Variants in SCUBE1 observed in about 807,000 individuals in gnomAD.
SCUBE1 encodes signal peptide, CUB and EGF-like domain-containing protein 1.
SCUBE1 carries 59 observed loss-of-function variants against 124.4 expected under a neutral mutation model. That is an observed-to-expected ratio of 0.47 (90% confidence interval 0.38 to 0.59). The LOEUF (loss-of-function observed/expected upper bound fraction) is 0.59, where lower values mean the gene tolerates loss of function less well. Ranked by LOEUF, SCUBE1 falls within the 20% of genes least tolerant of loss-of-function variation. SCUBE1 has a pLI of 0.00. For missense variants in SCUBE1, 1,150 were observed against 1,371.2 expected, an observed-to-expected ratio of 0.84 and a Z score of 2.55; for synonymous variants, 545 against 550.9, an observed-to-expected ratio of 0.99 and a Z score of 0.15.
In SCUBE1 at chr22:43,212,541, G is replaced by T; in HGVS notation, c.2105C>A (p.Ala702Asp). ...AGGCTGGTACGTGCCCACGGGGCAG[G>T]CCTGGCAGGGCTTGAAGCCATCGGC... ...FSADGFKPCQ[A>D]CPVGTYQPEP... is the part of the protein sequence containing the mutation. The change falls in exon 17 of 22, where the codon GCC becomes GAC. Residue 702 changes from alanine to aspartate, a missense_variant. Physicochemically the swap from Ala to Asp is moderately radical, Grantham distance 126 (BLOSUM62 -2). This residue lies in a region of SCUBE1 where 757 missense variants were observed against 840.9 expected (regional missense o/e 0.90). Coordinates refer to ENST00000360835, the MANE Select transcript of SCUBE1 (RefSeq NM_173050.5). 6.4e-7 allele frequency: 1 copy of T among 1,564,076 alleles called. No homozygotes were observed.
intron 6 of SCUBE1, among the ~76,000 whole-genome samples, chr22:43,251,547 A>C (rs1923449195): frequency 6.6e-6 from 1 of 152,122 alleles, no homozygotes; most frequent in Non-Finnish European, 1.5e-5. Context: ...GAGGCAGCAG[A>C]GGTGGGTCAG....
chr22:43,218,663 C>T (rs1376855830), intron 14 of SCUBE1, among the ~76,000 whole-genome samples: 1 of 152,236 alleles, frequency 6.6e-6, no homozygotes, highest in African/African-American at 2.4e-5. Flanking sequence ...GGCCTGCCCA[C>T]GGCCACGCAG....
chr22:43,322,120 A>C (rs887615605), intron 2 of SCUBE1, among the ~76,000 whole-genome samples: 1 of 152,074 alleles, frequency 6.6e-6, no homozygotes, highest in African/African-American at 2.4e-5. Context: ...AAGTAGCTGG[A>C]CTACAGGCAC....
At chr22:43,319,202 A>T (rs1459118143) in intron 3 of SCUBE1, among the ~76,000 whole-genome samples, 1 of 152,184 alleles carries the variant, frequency 6.6e-6, no homozygotes, top group Non-Finnish European at 1.5e-5. Context: ...AATTAACTTA[A>T]AAATGGAGTT....
At chr22:43,297,846 ACT>A (rs1925621442) in intron 3 of SCUBE1, among the ~76,000 whole-genome samples, 1 of 152,024 alleles carries the variant, frequency 6.6e-6, no homozygotes, top group South Asian at 2.1e-4. Context: ...TGAAACAGAG[ACT>A]CCGTGTTCTG....
chr22:43,231,765 G>C lies in SCUBE1; in HGVS notation c.955C>G (p.Arg319Gly). ...GGCAGGGGCTCACCCTGGCAGGTGC[G>C]CTCGTCGGTGAGCAGCTTGTAGCCC... ...RKGYKLLTDE[R>G]TCQDIDECSF... Residue 319 changes from arginine (R) to glycine (G), a missense_variant, in exon 8 of 22, where the codon CGC (arginine) becomes GGC (glycine). Coordinates refer to ENST00000360835, the MANE Select transcript of SCUBE1 (RefSeq NM_173050.5). 1 of 1,590,974 alleles carries C rather than the reference G, an allele frequency of 6.3e-7. No individual in the cohort carries two copies. The highest frequency in any genetic ancestry group is 8.5e-7 in the Non-Finnish European group (1 of 1,170,076).
intron 8 of SCUBE1, among the ~76,000 whole-genome samples, chr22:43,231,445 A>G (rs1047831983): frequency 5.3e-5 from 8 of 152,234 alleles, no homozygotes; most frequent in Non-Finnish European, 1.2e-4. Flanking sequence ...CTCCGAAGCC[A>G]GAGGAGTTCG....
rs1158914135 is a variant in SCUBE1 at position 43,234,001 on chromosome 22, G to A, written c.845-2126C>T. 2.0e-5 allele frequency among the ~76,000 whole-genome samples: 3 copies of A among 151,852 alleles called. No individual in the cohort carries two copies. Among genetic ancestry groups the A allele is most frequent in the Non-Finnish European group, 2.9e-5 (2 of 67,974 alleles). On this transcript the variant is annotated intron_variant, in intron 7 of 21. Coordinates refer to ENST00000360835, the MANE Select transcript of SCUBE1 (RefSeq NM_173050.5). This position sits in a 1 kb window ranked among gnomAD's most constrained non-coding sequence, Gnocchi z 4.4. ...TACAGATGAGGTCACAGCACCACAC[G>A]CAGGAGCCGGCTCTCAGCCAGCACC...
chr22:43,220,304 C>G (rs112798104), intron 14 of SCUBE1, 146 bp downstream of exon 14: 77 of 918,192 alleles, frequency 8.4e-5, no homozygotes, highest in Non-Finnish European at 1.1e-4. Flanking sequence ...GGGCCTGCCT[C>G]TGTCTCCAGA....
chr22:43,238,627 TTCTC>T, intron 7 of SCUBE1: 1 of 642,238 alleles, frequency 1.6e-6, no homozygotes, highest in Non-Finnish European at 2.9e-6. Context: ...GGGACCTGTG[TTCTC>T]TCGAACTCTG....
In SCUBE1 at chr22:43,203,896, G is replaced by T; in HGVS notation, c.*101C>A. On this transcript the variant is annotated 3_prime_UTR_variant, in exon 22 of 22. Transcript: ENST00000360835. ...GGCTTCCCTGAAGGGCAGTGCCATG[G>T]GGTTCCCAAGGTGGTGTGGAGGCCC... is the stretch of plus-strand genomic sequence containing the variant. The T allele has an allele frequency of 7.8e-7, 1 of 1,289,956 alleles. No homozygotes were observed. The highest frequency in any genetic ancestry group is 2.3e-5 in the East Asian group (1 of 42,844). The allele number at this position is 1,289,956 out of a possible 1,614,324, so 79.9% of individuals were successfully genotyped here.
intron 7 of SCUBE1, 120 bp downstream of exon 7, chr22:43,238,718 T>C (rs748552756): frequency 6.0e-6 from 5 of 839,210 alleles, no homozygotes; most frequent in Non-Finnish European, 1.0e-5. Flanking sequence ...CCACGTGTCC[T>C]TTCCCACAGC....
intron 7 of SCUBE1, among the ~76,000 whole-genome samples, chr22:43,235,336 C>A (rs1922714907): frequency 6.6e-6 from 1 of 151,844 alleles, no homozygotes; most frequent in Non-Finnish European, 1.5e-5. Flanking sequence ...TCCCTCCTGC[C>A]CATCTCACGT....
Position 43,281,558 on chromosome 22 carries a change from C to T in SCUBE1, c.484+9488G>A, listed in dbSNP as rs868235380. 9.4e-5 allele frequency among the ~76,000 whole-genome samples: 12 copies of T among 127,852 alleles called. No homozygotes were observed. In the East Asian group the frequency reaches 2.3e-3, roughly 25 times the overall value. The allele number at this position is 127,852 out of a possible 152,430, so 83.9% of individuals were successfully genotyped here. A position where few individuals can be genotyped will look rare whatever the true frequency, so the allele number is the denominator to read the frequency against. On this transcript the variant is annotated intron_variant, in intron 4 of 21. Transcript: ENST00000360835. The stretch of plus-strand genomic sequence containing the variant: ...CCCTCAGTCACCCTCCTGTCACCTC[C>T]CCCTCAGCCACCCTCCTGTCACCTC...
At chr22:43,309,519 G>A (rs532051569) in intron 3 of SCUBE1, among the ~76,000 whole-genome samples, 3 of 152,238 alleles carry the variant, frequency 2.0e-5, no homozygotes, top group Admixed American at 6.5e-5. Flanking sequence ...AAATCTTTAC[G>A]AAATGAGTGA....
chr22:43,310,070 A>AT (rs1387425507), intron 3 of SCUBE1, among the ~76,000 whole-genome samples: 2 of 152,272 alleles, frequency 1.3e-5, no homozygotes, highest in Non-Finnish European at 2.9e-5. Flanking sequence ...AGGTAACAGA[A>AT]TAAAATCCAA....
In SCUBE1 at chr22:43,339,084, G is replaced by A. The variant is rs749174913; in HGVS notation, c.220+20C>T. 3 of 1,612,916 alleles carry A rather than the reference G, an allele frequency of 1.9e-6. No homozygotes were observed. The Admixed American group carries it at 5.0e-5, about 27-fold the overall frequency. On this transcript the variant is annotated intron_variant, in intron 2 of 21. Transcript: ENST00000360835. ...CCTGGCAGCCTCAGGGTCTGCCCGGGAGGGCCGGGCTGGACTCACCTTCAC... is the reference window on the plus strand; with the variant it reads ...CCTGGCAGCCTCAGGGTCTGCCCGGAAGGGCCGGGCTGGACTCACCTTCAC...
At chr22:43,306,074 C>T (rs1015426108) in intron 3 of SCUBE1, among the ~76,000 whole-genome samples, 3 of 152,108 alleles carry the variant, frequency 2.0e-5, no homozygotes, top group Admixed American at 2.0e-4. Flanking sequence ...GCATCTGCCC[C>T]GATGCAGCCA....
At chr22:43,275,303 C>T (rs1278780206) in intron 4 of SCUBE1, among the ~76,000 whole-genome samples, 2 of 152,240 alleles carry the variant, frequency 1.3e-5, no homozygotes, top group African/African-American at 4.8e-5. Flanking sequence ...AACCACGACG[C>T]GCTGGGCGTC....
Sources: allele counts gnomAD v4.1 joint callset (sites outside exome capture counted in the v4.1 genomes callset), GRCh38; gene constraint gnomAD v4.1.1; regional missense constraint gnomAD v4.1.1; non-coding constraint Gnocchi (gnomAD v3.1); transcripts MANE v1.5; gene names NCBI Gene and HGNC (gene_info 2026-07-23, HGNC 2026-07-21).